Variants in CNTNAP3B observed in about 807,000 individuals in gnomAD.
CNTNAP3B encodes the protein contactin-associated protein-like 3B.
CNTNAP3B carries 25 observed loss-of-function variants against 108.9 expected under a neutral mutation model. The ratio of observed to expected loss-of-function variants is 0.23; its 90% confidence interval spans 0.17 to 0.32. CNTNAP3B has a LOEUF of 0.32. Among genes scored for constraint, CNTNAP3B ranks in the 10% least tolerant of loss-of-function variants. CNTNAP3B has a pLI of 1.00. For missense variants in CNTNAP3B, 252 were observed against 1,210.4 expected, an observed-to-expected ratio of 0.21 and a Z score of 11.75; for synonymous variants, 103 against 473.4, an observed-to-expected ratio of 0.22 and a Z score of 10.16.
At chr9:41,934,184 C>CATATAT (rs1240048584) in intron 14 of CNTNAP3B, among the ~76,000 whole-genome samples, 2,745 of 82,360 alleles carry the variant, frequency 0.033, 5 homozygotes, top group Non-Finnish European at 0.046. Flanking sequence ...TATACACACA[C>CATATAT]ACACATATAT....
rs1285125769 is a variant in CNTNAP3B at position 41,964,764 on chromosome 9, T to A, written c.1650-120A>T. ...CGCAAGATAACCCCACATGACGTGATTACTGGGTCTGCCATCAAGGTTCTC... is the reference window on the plus strand; with the variant it reads ...CGCAAGATAACCCCACATGACGTGAATACTGGGTCTGCCATCAAGGTTCTC... On this transcript the variant is annotated intron_variant, in intron 10 of 23. Transcript: ENST00000377561. The A allele has an allele frequency of 3.8e-6, 5 of 1,308,396 alleles. No homozygotes were observed. The African/African-American group carries it at 6.2e-5, about 16-fold the overall frequency. 81.0% of individuals were successfully genotyped at this position (1,308,396 alleles called of 1,614,324 possible).
chr9:41,977,824 G>T (rs1348458908), intron 9 of CNTNAP3B, among the ~76,000 whole-genome samples: 47 of 135,246 alleles, frequency 3.5e-4, no homozygotes, highest in African/African-American at 1.4e-3. Context: ...GTAGAGACGG[G>T]GTTTCACCGT....
At chr9:41,924,574 G>A (rs1353927687) in intron 15 of CNTNAP3B, among the ~76,000 whole-genome samples, 1 of 152,000 alleles carries the variant, frequency 6.6e-6, no homozygotes. Context: ...AGGCATCCAA[G>A]TGGAGATTTG....
intron 3 of CNTNAP3B, among the ~76,000 whole-genome samples, chr9:42,053,424 G>C (rs1201631560): frequency 7.4e-6 from 1 of 134,716 alleles, no homozygotes; most frequent in Non-Finnish European, 1.6e-5. Flanking sequence ...ATAATTGTAA[G>C]ATAGAATGGA....
chr9:41,939,361 T>G (rs1174054682), intron 13 of CNTNAP3B, among the ~76,000 whole-genome samples: 4 of 152,300 alleles, frequency 2.6e-5, no homozygotes, highest in Non-Finnish European at 2.9e-5. Context: ...CAATAGGTTG[T>G]TACCATTGGA....
chr9:41,947,562 G>A (rs1211899341), intron 13 of CNTNAP3B, among the ~76,000 whole-genome samples: 6 of 152,294 alleles, frequency 3.9e-5, no homozygotes, highest in South Asian at 4.1e-4. Flanking sequence ...GGAAAACGTA[G>A]CACTAAATGC....
chr9:42,089,721 C>G (rs1330933299), intron 2 of CNTNAP3B, among the ~76,000 whole-genome samples: 5 of 147,678 alleles, frequency 3.4e-5, no homozygotes, highest in African/African-American at 1.3e-4. Context: ...GGAAGGACAT[C>G]TGAATAGTGG....
chr9:41,940,579 G>A lies in CNTNAP3B; in HGVS notation c.2081-2179C>T, dbSNP rs1404938842. Among the ~76,000 whole-genome samples, 43 of 152,344 alleles carry A rather than the reference G, an allele frequency of 2.8e-4. No individual in the cohort carries two copies. The East Asian group carries it at 7.0e-3, about 25-fold the overall frequency. On this transcript the variant is annotated intron_variant, in intron 13 of 23. Coordinates refer to ENST00000377561, the MANE Select transcript of CNTNAP3B (RefSeq NM_001201380.3). ...TCACGCCTGTAATCCCAGCACTTTC[G>A]GAGGCCGAGGTGGGCGGATCACGAG...
chr9:41,967,231 T>C (rs1825307384), intron 10 of CNTNAP3B, among the ~76,000 whole-genome samples: 1 of 152,246 alleles, frequency 6.6e-6, no homozygotes, highest in South Asian at 2.1e-4. Context: ...ATTCCCACTG[T>C]GTCATGGGAG....
At position 42,105,733 on chromosome 9, in the gene CNTNAP3B, T is replaced by C. The variant is rs1243070637; in HGVS notation, c.86-994A>G. 2.0e-5 allele frequency among the ~76,000 whole-genome samples: 2 copies of C among 100,654 alleles called. 1 individual carries two copies. Among genetic ancestry groups the C allele is most frequent in the Non-Finnish European group, 4.2e-5 (2 of 48,020 alleles). 66.0% of individuals were successfully genotyped at this position (100,654 alleles called of 152,430 possible). ...TCCCGCAGTCCAATCCTGTAATCAC[T>C]GTACTTTCAGGCATGTCATATATTT... is the stretch of plus-strand genomic sequence containing the variant. On this transcript the variant is annotated intron_variant, in intron 1 of 23. Transcript: ENST00000377561.
intron 3 of CNTNAP3B, among the ~76,000 whole-genome samples, chr9:42,026,788 T>G (rs1268594265): frequency 7.3e-6 from 1 of 136,624 alleles, no homozygotes; most frequent in Admixed American, 7.3e-5. Context: ...GTATTACACA[T>G]TTTGCTCAAT....
At chr9:42,063,817 G>C (rs1200981355) in intron 3 of CNTNAP3B, among the ~76,000 whole-genome samples, 2 of 148,644 alleles carry the variant, frequency 1.3e-5, no homozygotes, top group Middle Eastern at 3.4e-3. Context: ...AAACTCCTGG[G>C]CTCAAGCGAC....
At chr9:41,945,022 T>C (rs1824482404) in intron 13 of CNTNAP3B, among the ~76,000 whole-genome samples, 1 of 152,146 alleles carries the variant, frequency 6.6e-6, no homozygotes, top group South Asian at 2.1e-4. Context: ...AAAATGCTCA[T>C]CATCACTGGC....
At chr9:41,968,921 C>A (rs562424611) in intron 10 of CNTNAP3B, among the ~76,000 whole-genome samples, 54 of 152,244 alleles carry the variant, frequency 3.5e-4, no homozygotes, top group Middle Eastern at 3.4e-3. Context: ...CTCAGCCTGC[C>A]GAGTAGCTGG....
intron 12 of CNTNAP3B, among the ~76,000 whole-genome samples, chr9:41,958,754 G>A (rs1333015966): frequency 6.6e-6 from 1 of 152,102 alleles, no homozygotes. Flanking sequence ...AGTAGCTTAG[G>A]TGAAATATTT....
At chr9:42,112,779 C>T (rs1183793789) in intron 1 of CNTNAP3B, among the ~76,000 whole-genome samples, 1 of 135,862 alleles carries the variant, frequency 7.4e-6, no homozygotes, top group Non-Finnish European at 1.6e-5. Flanking sequence ...AACAGTATAC[C>T]AATTTTAACA....
chr9:41,944,340 C>A (rs1238787246), intron 13 of CNTNAP3B, among the ~76,000 whole-genome samples: 2 of 144,566 alleles, frequency 1.4e-5, no homozygotes, highest in Admixed American at 7.0e-5. Context: ...ATAATACTAA[C>A]AATGTATTGG....
chr9:42,026,741 TA>T, intron 3 of CNTNAP3B, among the ~76,000 whole-genome samples: 1 of 132,878 alleles, frequency 7.5e-6, no homozygotes, highest in African/African-American at 3.0e-5. Context: ...TTTCTGCCGT[TA>T]AAACCTATCC....
chr9:42,024,093 T>C (rs28482105), intron 3 of CNTNAP3B, among the ~76,000 whole-genome samples: 3,721 of 137,690 alleles, frequency 0.027, 3 homozygotes, highest in Admixed American at 0.079. Context: ...TACAAATCTA[T>C]AAACAGGTCC....
Sources: gnomAD v4.1 joint callset for allele counts (sites outside exome capture counted in the v4.1 genomes callset) on GRCh38, gnomAD v4.1.1 for gene constraint, MANE v1.5 for transcripts, NCBI Gene and HGNC (gene_info 2026-07-23, HGNC 2026-07-21) for gene names.